RGPD8: variants seen among roughly 807,000 people sequenced by gnomAD.
RGPD8 encodes RANBP2 like and GRIP domain containing 8.
In RGPD8, 15 loss-of-function variants were observed where a neutral mutation model predicts 89.1. The observed-to-expected ratio is 0.17, with a 90% CI of 0.11 to 0.26. The LOEUF (loss-of-function observed/expected upper bound fraction) is 0.26. Among genes scored for constraint, RGPD8 ranks in the 10% least tolerant of loss-of-function variants. The pLI, the probability that RGPD8 is intolerant of heterozygous loss-of-function variation, is 1.00. For synonymous variants in RGPD8, 62 were observed against 420.9 expected (o/e 0.15, Z 10.44); for missense variants, 178 against 1,179.6 (o/e 0.15, Z 12.44).
At chr2:112,411,041 G>A (rs1392733862) in intron 7 of RGPD8, among the ~76,000 whole-genome samples, 7 of 152,074 alleles carry the variant, frequency 4.6e-5, no homozygotes, top group Non-Finnish European at 8.8e-5. Context: ...GCCAGATGGC[G>A]CCATTGCACT....
intron 1 of RGPD8, 48 bp downstream of exon 1, chr2:112,433,334 C>T (rs766847451): frequency 7.2e-6 from 10 of 1,389,448 alleles, no homozygotes; most frequent in South Asian, 5.1e-5. Context: ...TCGAGGCCGC[C>T]GCCGCCCGGC....
rs775547785 is a variant in RGPD8 at position 112,433,345 on chromosome 2, CG to C, written c.72+36del. On this transcript the variant is annotated intron_variant, in intron 1 of 22. Coordinates refer to ENST00000302558, the MANE Select transcript of RGPD8 (RefSeq NM_001164463.1). ...CGGGTCGAGGCCGCCGCCGCCCGGCCGGGTCGAGGCCGCCGCTCTCTTCCAG... is the reference window on the plus strand; with the variant it reads ...CGGGTCGAGGCCGCCGCCGCCCGGCCGGTCGAGGCCGCCGCTCTCTTCCAG... 11 of 1,537,040 alleles carry C rather than the reference CG, an allele frequency of 7.2e-6. 1 individual carries two copies. The South Asian group carries it at 1.1e-4, about 15-fold the overall frequency.
chr2:112,425,756 C>CA (rs942303412), intron 1 of RGPD8, among the ~76,000 whole-genome samples: 8,061 of 100,190 alleles, frequency 0.08, 570 homozygotes, highest in African/African-American at 0.2. Context: ...GATTCCATCT[C>CA]AAAAAAAAAA....
At chr2:112,430,319 C>T (rs1679971826) in intron 1 of RGPD8, among the ~76,000 whole-genome samples, 1 of 152,132 alleles carries the variant, frequency 6.6e-6, no homozygotes, top group Admixed American at 6.6e-5. Context: ...ACCTTCTATC[C>T]AAAGCACCCT....
intron 1 of RGPD8, among the ~76,000 whole-genome samples, chr2:112,431,706 G>T (rs1172448624): frequency 6.7e-6 from 1 of 149,566 alleles, no homozygotes; most frequent in Non-Finnish European, 1.5e-5. Context: ...GCGCGATCTC[G>T]GCTCACTAGA....
intron 9 of RGPD8, among the ~76,000 whole-genome samples, chr2:112,402,518 G>GAAAAT (rs1678906580): frequency 1.3e-5 from 2 of 152,182 alleles, no homozygotes; most frequent in African/African-American, 4.8e-5. Context: ...GAAAAGAAAA[G>GAAAAT]AAAAGAAAAG....
chr2:112,411,184 A>G (rs1386094198), intron 7 of RGPD8, among the ~76,000 whole-genome samples: 6 of 152,196 alleles, frequency 3.9e-5, no homozygotes, highest in Admixed American at 1.3e-4. Context: ...TCTAAAATTA[A>G]TCATCTTTCT....
chr2:112,411,141 C>T (rs1480093480), intron 7 of RGPD8, among the ~76,000 whole-genome samples: 3 of 152,246 alleles, frequency 2.0e-5, no homozygotes, highest in African/African-American at 7.2e-5. Flanking sequence ...GTAATGAATC[C>T]TTTTTTTTCC....
chr2:112,432,734 C>A, intron 1 of RGPD8: 1 of 985,350 alleles, frequency 1.0e-6, no homozygotes, highest in Non-Finnish European at 1.2e-6. Context: ...AAAGCCCGGG[C>A]CAGGGCGAGC....
chr2:112,414,429 A>G (rs1367499167), intron 6 of RGPD8, among the ~76,000 whole-genome samples: 2 of 110,112 alleles, frequency 1.8e-5, no homozygotes, highest in Non-Finnish European at 3.7e-5. Context: ...GTGATCCGAG[A>G]TCACACTGTT....
chr2:112,403,864 G>T lies in RGPD8; in HGVS notation c.1276+102C>A. 1.5e-6 allele frequency: 2 copies of T among 1,363,222 alleles called. 1 individual carries two copies. The highest frequency in any genetic ancestry group is 2.1e-6 in the Non-Finnish European group (2 of 975,490). The allele number at this position is 1,363,222 out of a possible 1,614,324, so 84.4% of individuals were successfully genotyped here. The stretch of plus-strand genomic sequence containing the variant: ...CCCCCAGCCCAACCCACACACAAAA[G>T]GAATACAGGAAAATATTAAGTCGTT... On this transcript the variant is annotated intron_variant, in intron 9 of 22. Transcript: ENST00000302558.
At chr2:112,430,579 C>T (rs749124861) in intron 1 of RGPD8, among the ~76,000 whole-genome samples, 4 of 151,428 alleles carry the variant, frequency 2.6e-5, no homozygotes, top group Non-Finnish European at 5.9e-5. Context: ...CTGTCTAGAC[C>T]AGTGGTTTTT....
intron 1 of RGPD8, among the ~76,000 whole-genome samples, chr2:112,429,550 TAAC>T (rs1164090481): frequency 6.6e-6 from 1 of 150,906 alleles, no homozygotes; most frequent in African/African-American, 2.4e-5. Flanking sequence ...AAAAAACAAC[TAAC>T]AGCTGTCAAA....
intron 1 of RGPD8, among the ~76,000 whole-genome samples, chr2:112,431,332 A>G (rs1680023660): frequency 6.6e-6 from 1 of 152,222 alleles, no homozygotes; most frequent in African/African-American, 2.4e-5. Context: ...GGTCTGTTTT[A>G]GACTCTTACC....
At position 112,433,505 on chromosome 2, in the gene RGPD8, A is replaced by G. The variant is rs1156806953; in HGVS notation, c.-52T>C. The G allele has an allele frequency of 1.3e-5, 21 of 1,557,302 alleles. No homozygotes were observed. Among genetic ancestry groups the G allele is most frequent in the African/African-American group, 2.7e-5 (2 of 73,234 alleles). ...GCGTGCGAGCACCGCTCAGCCCCGC[A>G]GCAGTCGCCACTTCCAAGAGGAAAG... On this transcript the variant is annotated 5_prime_UTR_variant, in exon 1 of 23. Coordinates refer to ENST00000302558, the MANE Select transcript of RGPD8 (RefSeq NM_001164463.1).
chr2:112,419,527 G>A lies in RGPD8; in HGVS notation c.406-1613C>T, dbSNP rs1348205693. Among the ~76,000 whole-genome samples, 8 of 150,934 alleles carry A rather than the reference G, an allele frequency of 5.3e-5. No individual in the cohort carries two copies. In the East Asian group the frequency reaches 1.6e-3, roughly 29 times the overall value. ...TGTCAGAAACTGTTTACCTTAGCAA[G>A]CCTTAAATTTTAGGAGAAATGGAAT... On this transcript the variant is annotated intron_variant, in intron 4 of 22. Transcript: ENST00000302558.
intron 18 of RGPD8, 93 bp from the exon 19 acceptor site, chr2:112,391,162 A>C (rs572685785): frequency 1.3e-6 from 1 of 787,266 alleles, no homozygotes; most frequent in East Asian, 2.6e-5. Context: ...CAAAAGCAAT[A>C]GAAATTAAAG....
intron 1 of RGPD8, among the ~76,000 whole-genome samples, chr2:112,433,061 C>A (rs1294955936): frequency 5.3e-5 from 5 of 95,230 alleles, no homozygotes; most frequent in African/African-American, 1.5e-4. Context: ...CGGGTCGAGG[C>A]CGCCGCCTCA....
intron 1 of RGPD8, among the ~76,000 whole-genome samples, chr2:112,426,645 T>C (rs1353865292): frequency 1.3e-5 from 2 of 148,550 alleles, no homozygotes; most frequent in Non-Finnish European, 1.5e-5. Context: ...AACAAGGAGG[T>C]GAGAGACTTG....
Sources: gnomAD v4.1 joint callset for allele counts (sites outside exome capture counted in the v4.1 genomes callset) on GRCh38, gnomAD v4.1.1 for gene constraint, MANE v1.5 for transcripts, NCBI Gene and HGNC (gene_info 2026-07-23, HGNC 2026-07-21) for gene names.